DTNA: variants seen among roughly 807,000 people sequenced by gnomAD.
The protein encoded by DTNA is dystrophin-related protein 3.
DTNA carries 43 observed loss-of-function variants against 100.7 expected under a neutral mutation model. The ratio of observed to expected loss-of-function variants is 0.43; its 90% confidence interval spans 0.33 to 0.55. The LOEUF is 0.55. DTNA is among the 20% of genes least tolerant of loss of function. DTNA has a pLI of 0.04. For synonymous variants in DTNA, 349 were observed against 347.9 expected, an observed-to-expected ratio of 1.00 and a Z score of -0.04; for missense variants, 798 against 953.9, an observed-to-expected ratio of 0.84 and a Z score of 2.15.
intron 1 of DTNA, among the ~76,000 whole-genome samples, chr18:34,586,959 A>G (rs915712537): frequency 4.0e-5 from 6 of 150,002 alleles, no homozygotes; most frequent in Middle Eastern, 3.2e-3. Context: ...ATACAACAAA[A>G]TCTTTAGTTT....
At chr18:34,768,491 C>T (rs2148538857) in intron 3 of DTNA, among the ~76,000 whole-genome samples, 1 of 152,310 alleles carries the variant, frequency 6.6e-6, no homozygotes, top group South Asian at 2.1e-4. Flanking sequence ...CTGTGGTCCA[C>T]AGGCCTTATC....
At chr18:34,626,294 A>T (rs1446434264) in intron 1 of DTNA, among the ~76,000 whole-genome samples, 1 of 152,214 alleles carries the variant, frequency 6.6e-6, no homozygotes, top group African/African-American at 2.4e-5. Context: ...CTGCTCTACC[A>T]TAAAGGAGTA....
rs1603375435 is a variant in DTNA at position 34,891,413 on chromosome 18, G to A, written c.*3679G>A. The A allele has an allele frequency of 6.6e-6, 1 of 152,366 alleles. No individual in the cohort carries two copies. Among genetic ancestry groups the A allele is most frequent in the Admixed American group, 6.6e-5 (1 of 15,266 alleles). The allele number at this position is 152,366 out of a possible 1,614,324, so 9.4% of individuals were successfully genotyped here. A position where few individuals can be genotyped will look rare whatever the true frequency, so the allele number is the denominator to read the frequency against. On this transcript the variant is annotated 3_prime_UTR_variant, in exon 23 of 23. Transcript: ENST00000444659. ...TTTTTAAAAACACTATATCTTGGGT[G>A]GTTTATTCCTTTGTTTCAGTGAATC...
At chr18:34,497,635 C>G (rs1313868748) in intron 1 of DTNA, among the ~76,000 whole-genome samples, 3 of 151,452 alleles carry the variant, frequency 2.0e-5, no homozygotes, top group Non-Finnish European at 4.4e-5. Flanking sequence ...ATTAAATTTC[C>G]ATTGCTGTTG....
At chr18:34,790,248 C>T (rs138691033) in intron 3 of DTNA, among the ~76,000 whole-genome samples, 15 of 152,110 alleles carry the variant, frequency 9.9e-5, no homozygotes, top group South Asian at 4.1e-4. Context: ...CCACATGCAA[C>T]GCAGAATGGG....
intron 17 of DTNA, among the ~76,000 whole-genome samples, chr18:34,872,779 C>T (rs1434628587): frequency 6.6e-6 from 1 of 152,236 alleles, no homozygotes; most frequent in Non-Finnish European, 1.5e-5. Flanking sequence ...CCTACTGGGT[C>T]TGTGCCCTGT....
chr18:34,815,866 G>C, intron 6 of DTNA, 43 bp from the exon 7 acceptor site: 2 of 1,522,980 alleles, frequency 1.3e-6, no homozygotes, highest in Non-Finnish European at 1.8e-6. Context: ...GGTAAATTGA[G>C]ATGATTCTCT....
intron 1 of DTNA, among the ~76,000 whole-genome samples, chr18:34,679,079 A>G (rs559172348): frequency 1.3e-5 from 2 of 152,306 alleles, no homozygotes; most frequent in African/African-American, 4.8e-5. Flanking sequence ...AAAATATCCC[A>G]GAAAACTATC....
rs2096854035 is a variant in DTNA at position 34,879,781 on chromosome 18, GA to G, written c.2162+65del. 5.6e-6 allele frequency: 9 copies of G among 1,597,596 alleles called. No individual in the cohort carries two copies. The East Asian group carries it at 2.0e-4, about 36-fold the overall frequency. On this transcript the variant is annotated intron_variant, in intron 20 of 22. Transcript: ENST00000444659. ...CAAAACAATCTGTAGGAGACAATAA[GA>G]AAGTAAAAGCATAATTGTTTAGGGT...
intron 16 of DTNA, among the ~76,000 whole-genome samples, chr18:34,862,124 C>CAAAAAAAAA (rs1002538086): frequency 1.8e-5 from 1 of 56,260 alleles, no homozygotes; most frequent in African/African-American, 7.0e-5. Flanking sequence ...CAGACAAGGT[C>CAAAAAAAAA]AAAAAAAAAA....
At position 34,818,161 on chromosome 18, in the gene DTNA, T is replaced by TA. The variant is rs2095637339; in HGVS notation, c.710-2dup. The TA allele has an allele frequency of 6.2e-7, 1 of 1,613,856 alleles. No homozygotes were observed. Among genetic ancestry groups the TA allele is most frequent in the African/African-American group, 1.3e-5 (1 of 74,896 alleles). Reference sequence around the variant, plus strand: ...GGTTTTTCTTCACTTACTTCCCCCTTAGTCTTCCATCCGGTTGAGTGTTCC... The same window carrying TA: ...GGTTTTTCTTCACTTACTTCCCCCTTAAGTCTTCCATCCGGTTGAGTGTTCC... On this transcript the variant is annotated splice_region_variant and splice_polypyrimidine_tract_variant and intron_variant, in intron 7 of 22. Transcript: ENST00000444659.
At chr18:34,539,509 A>T (rs1265571708) in intron 1 of DTNA, among the ~76,000 whole-genome samples, 1 of 152,006 alleles carries the variant, frequency 6.6e-6, no homozygotes, top group Non-Finnish European at 1.5e-5. Flanking sequence ...GTAATCTAAT[A>T]AAGTGTCAGG....
chr18:34,578,326 G>GT (rs1262533774), intron 1 of DTNA, among the ~76,000 whole-genome samples: 2 of 151,486 alleles, frequency 1.3e-5, no homozygotes, highest in Non-Finnish European at 2.9e-5. Context: ...GAGATTGTTT[G>GT]TTTTTTTCTT....
intron 1 of DTNA, among the ~76,000 whole-genome samples, chr18:34,627,023 T>C (rs1368245493): frequency 6.6e-6 from 1 of 152,166 alleles, no homozygotes; most frequent in Non-Finnish European, 1.5e-5. Context: ...CAATGCATGT[T>C]TTTATAGCTA....
rs182310764 is a variant in DTNA at position 34,864,807 on chromosome 18, A to C, written c.1743+745A>C. Among the ~76,000 whole-genome samples, 59 of 152,240 alleles carry C rather than the reference A, an allele frequency of 3.9e-4. No homozygotes were observed. In the East Asian group the frequency reaches 5.2e-3, roughly 13 times the overall value. On this transcript the variant is annotated intron_variant, in intron 17 of 22. Transcript: ENST00000444659. Reference sequence around the variant, plus strand: ...TGATTTCTAGTGAACTCAGACACAAACTCTAAGAGAGAATATCTCATTACT... The same window carrying C: ...TGATTTCTAGTGAACTCAGACACAACCTCTAAGAGAGAATATCTCATTACT...
chr18:34,548,349 A>T (rs1206156391), intron 1 of DTNA, among the ~76,000 whole-genome samples: 1 of 152,122 alleles, frequency 6.6e-6, no homozygotes, highest in Non-Finnish European at 1.5e-5. Flanking sequence ...GTAAAGGTCA[A>T]TAGAAAGGTA....
intron 3 of DTNA, among the ~76,000 whole-genome samples, chr18:34,782,827 G>A (rs1229029926): frequency 2.0e-5 from 3 of 152,116 alleles, no homozygotes; most frequent in Non-Finnish European, 4.4e-5. Context: ...AATGGAGAAC[G>A]GCATGGCCAG....
chr18:34,608,561 C>A (rs1358788819), intron 1 of DTNA, among the ~76,000 whole-genome samples: 1 of 150,118 alleles, frequency 6.7e-6, no homozygotes, highest in Non-Finnish European at 1.5e-5. Context: ...GAGAACTATT[C>A]ATAAAAATTT....
At chr18:34,659,839 G>A (rs891587112) in intron 1 of DTNA, among the ~76,000 whole-genome samples, 11 of 152,324 alleles carry the variant, frequency 7.2e-5, no homozygotes, top group African/African-American at 1.9e-4. Flanking sequence ...GAATGGCCCC[G>A]CTGCCAGTGG....
Sources: allele counts gnomAD v4.1 joint callset (sites outside exome capture counted in the v4.1 genomes callset), GRCh38; gene constraint gnomAD v4.1.1; transcripts MANE v1.5; gene names NCBI Gene and HGNC (gene_info 2026-07-23, HGNC 2026-07-21).